BMP6: variants seen among roughly 807,000 people sequenced by gnomAD.
BMP6 encodes the protein VG-1-R.
A neutral mutation model predicts 54.1 loss-of-function variants in BMP6; 17 were observed. That is an observed-to-expected ratio of 0.31 (90% CI 0.22 to 0.47). The LOEUF (loss-of-function observed/expected upper bound fraction) is 0.47. BMP6 is among the 20% of genes least tolerant of loss of function. The probability of loss-of-function intolerance (pLI) is 1.00; values close to 1 mark genes in which losing one functional copy is unlikely to be tolerated. For synonymous variants in BMP6, 328 were observed against 291.2 expected, an observed-to-expected ratio of 1.13 and a Z score of -1.28; for missense variants, 720 against 690.4, an observed-to-expected ratio of 1.04 and a Z score of -0.48.
At position 7,813,109 on chromosome 6, in the gene BMP6, ATATATATATATATATATATATAT is replaced by A. The variant is rs1167184244; in HGVS notation, c.665-32030_665-32008del. Among the ~76,000 whole-genome samples, 16 of 15,748 alleles carry A rather than the reference ATATATATATATATATATATATAT, an allele frequency of 1.0e-3. 1 individual carries two copies. The highest frequency in any genetic ancestry group is 3.2e-3 in the African/African-American group (14 of 4,372). 10.3% of individuals were successfully genotyped at this position (15,748 alleles called of 152,430 possible). ...TACAAAAAAAAAAAAAAAAAAAAAA[ATATATATATATATATATATATAT>A]ATATATATATATATATAAAATTAGT... On this transcript the variant is annotated intron_variant, in intron 1 of 6. Transcript: ENST00000283147.
At chr6:7,844,715 C>T (rs540367326) in intron 1 of BMP6, among the ~76,000 whole-genome samples, 33 of 152,140 alleles carry the variant, frequency 2.2e-4, no homozygotes, top group Admixed American at 1.8e-3. Flanking sequence ...GAAGAGTAGC[C>T]GGGAGGAGAG....
chr6:7,748,932 C>G (rs1022767720), intron 1 of BMP6, among the ~76,000 whole-genome samples: 1 of 152,084 alleles, frequency 6.6e-6, no homozygotes, highest in Non-Finnish European at 1.5e-5. Context: ...TCTGTCAAAG[C>G]AAAAAATCGA....
At chr6:7,876,699 TTAATC>T (rs1335489246) in intron 4 of BMP6, among the ~76,000 whole-genome samples, 2 of 152,254 alleles carry the variant, frequency 1.3e-5, no homozygotes, top group African/African-American at 2.4e-5. Flanking sequence ...TTTAACCTGT[TTAATC>T]TGATCTTTAG....
At chr6:7,874,546 A>G (rs1428531477) in intron 4 of BMP6, among the ~76,000 whole-genome samples, 1 of 152,206 alleles carries the variant, frequency 6.6e-6, no homozygotes, top group African/African-American at 2.4e-5. Flanking sequence ...ACTTGAGCCC[A>G]GGAGTTCAGG....
intron 1 of BMP6, among the ~76,000 whole-genome samples, chr6:7,789,282 G>T (rs1386417851): frequency 6.6e-6 from 1 of 152,158 alleles, no homozygotes; most frequent in Non-Finnish European, 1.5e-5. Context: ...GTTTCAGGAA[G>T]GAGTTCATAT....
chr6:7,736,155 TTAAA>T (rs1300573507), intron 1 of BMP6, among the ~76,000 whole-genome samples: 2 of 152,218 alleles, frequency 1.3e-5, no homozygotes, highest in Non-Finnish European at 2.9e-5. Context: ...GTCTAGGAGT[TTAAA>T]AATCTTTTTT....
chr6:7,757,839 C>T (rs540355213), intron 1 of BMP6, among the ~76,000 whole-genome samples: 4 of 152,328 alleles, frequency 2.6e-5, no homozygotes, highest in Admixed American at 6.5e-5. Flanking sequence ...CTTGCAGGTT[C>T]CCTGTCTATT....
intron 4 of BMP6, among the ~76,000 whole-genome samples, chr6:7,863,165 AT>A (rs2113279229): frequency 6.6e-6 from 1 of 152,076 alleles, no homozygotes; most frequent in African/African-American, 2.4e-5. Context: ...CGCCTGGCTA[AT>A]TTTTTGTATT....
chr6:7,772,786 C>G (rs1757810275), intron 1 of BMP6, among the ~76,000 whole-genome samples: 1 of 152,206 alleles, frequency 6.6e-6, no homozygotes, highest in African/African-American at 2.4e-5. Context: ...CTGGACCCTT[C>G]TATCTAAGGT....
chr6:7,855,361 C>G (rs1759209000), intron 2 of BMP6, among the ~76,000 whole-genome samples: 1 of 152,050 alleles, frequency 6.6e-6, no homozygotes, highest in East Asian at 1.9e-4. Context: ...GTCAGAAGCC[C>G]TAGGGGTGAG....
At chr6:7,742,477 C>T (rs1322587524) in intron 1 of BMP6, among the ~76,000 whole-genome samples, 1 of 152,168 alleles carries the variant, frequency 6.6e-6, no homozygotes, top group Non-Finnish European at 1.5e-5. Flanking sequence ...ATTCTGTTTA[C>T]ATAAGGACTG....
At chr6:7,771,623 A>G (rs1475528889) in intron 1 of BMP6, among the ~76,000 whole-genome samples, 2 of 152,290 alleles carry the variant, frequency 1.3e-5, no homozygotes, top group East Asian at 3.9e-4. Context: ...TTGAGGTTTC[A>G]TGGTCGTATT....
Position 7,881,659 on chromosome 6 carries a change from AG to A in BMP6, c.*1318del. ...CTCTTGACAGTTGTGCTTCTCTAGG[AG>A]GTTGGGTTTTTTTAAAAAAAGAATT... On this transcript the variant is annotated 3_prime_UTR_variant, in exon 7 of 7. Coordinates refer to ENST00000283147, the MANE Select transcript of BMP6 (RefSeq NM_001718.6). 6.6e-6 allele frequency: 1 copy of A among 152,044 alleles called. No individual in the cohort carries two copies. The allele number at this position is 152,044 out of a possible 1,614,324, so 9.4% of individuals were successfully genotyped here. A position where few individuals can be genotyped will look rare whatever the true frequency, so the allele number is the denominator to read the frequency against.
chr6:7,739,558 T>C (rs1324671759), intron 1 of BMP6, among the ~76,000 whole-genome samples: 2 of 152,202 alleles, frequency 1.3e-5, no homozygotes, highest in Non-Finnish European at 2.9e-5. Flanking sequence ...TAAGAACTAG[T>C]AGATAGTAAG....
At chr6:7,735,190 C>A (rs576344396) in intron 1 of BMP6, among the ~76,000 whole-genome samples, 1 of 152,220 alleles carries the variant, frequency 6.6e-6, no homozygotes, top group Non-Finnish European at 1.5e-5. Flanking sequence ...ACTCTCCTGC[C>A]GCTTGCCCTT....
rs559053886 is a variant in BMP6 at position 7,859,670 on chromosome 6, A to C, written c.858-1781A>C. ...TCTCTGCTTGCTGTTTTCCATGGAC[A>C]CCCCCCGCACCCCCCGCAATCTCCC... On this transcript the variant is annotated intron_variant, in intron 2 of 6. Coordinates refer to ENST00000283147, the MANE Select transcript of BMP6 (RefSeq NM_001718.6). Among the ~76,000 whole-genome samples, 10 of 148,308 alleles carry C rather than the reference A, an allele frequency of 6.7e-5. No homozygotes were observed. In the East Asian group the frequency reaches 8.3e-4, roughly 12 times the overall value.
chr6:7,820,894 G>C (rs34307159), intron 1 of BMP6, among the ~76,000 whole-genome samples: 25,371 of 152,096 alleles, frequency 0.17, 2,547 homozygotes, highest in African/African-American at 0.28. Context: ...GATCTAGATC[G>C]CTTGTGTGCC....
chr6:7,852,502 G>A (rs925704548), intron 2 of BMP6, among the ~76,000 whole-genome samples: 1 of 152,228 alleles, frequency 6.6e-6, no homozygotes, highest in African/African-American at 2.4e-5. Flanking sequence ...GCTTGAGCCT[G>A]GGAGGTTGAG....
At chr6:7,775,860 G>C (rs1757854775) in intron 1 of BMP6, among the ~76,000 whole-genome samples, 1 of 152,094 alleles carries the variant, frequency 6.6e-6, no homozygotes, top group African/African-American at 2.4e-5. Context: ...TAAACATTTG[G>C]GGTAGCAACG....
Sources: gnomAD v4.1 joint callset for allele counts (sites outside exome capture counted in the v4.1 genomes callset) on GRCh38, gnomAD v4.1.1 for gene constraint, MANE v1.5 for transcripts, NCBI Gene and HGNC (gene_info 2026-07-23, HGNC 2026-07-21) for gene names.